Variants in ANKFN1 observed in about 807,000 individuals in gnomAD.
The protein encoded by ANKFN1 is ankyrin repeat and fibronectin type-III domain-containing protein 1.
In ANKFN1, 74 loss-of-function variants were observed where a neutral mutation model predicts 108.7. The ratio of observed to expected loss-of-function variants is 0.68; its 90% CI spans 0.56 to 0.83. The LOEUF is 0.83. Among genes scored for constraint, ANKFN1 ranks in the 40% least tolerant of loss-of-function variants. ANKFN1 has a pLI of 0.00. For synonymous variants in ANKFN1, 547 were observed against 516.2 expected (o/e 1.06, Z -0.81); for missense variants, 1,505 against 1,382.3 (o/e 1.09, Z -1.41).
At chr17:56,231,962 A>G (rs924003235) in intron 3 of ANKFN1, among the ~76,000 whole-genome samples, 1 of 152,078 alleles carries the variant, frequency 6.6e-6, no homozygotes, top group African/African-American at 2.4e-5. Flanking sequence ...ATGGTAGCCT[A>G]ATCCGTTTTT....
At chr17:56,069,996 A>G (rs2143134160) in intron 4 of ANKFN1, among the ~76,000 whole-genome samples, 1 of 152,314 alleles carries the variant, frequency 6.6e-6, no homozygotes, top group Non-Finnish European at 1.5e-5. Context: ...GGAGTATAGT[A>G]GTGAGGACAA....
intron 20 of ANKFN1, among the ~76,000 whole-genome samples, chr17:56,507,808 G>A (rs896930868): frequency 1.3e-5 from 2 of 152,136 alleles, no homozygotes; most frequent in Admixed American, 1.3e-4. Context: ...TGATCATTGG[G>A]TTCTTACCCA....
At chr17:56,302,220 C>T (rs980743330) in intron 3 of ANKFN1, among the ~76,000 whole-genome samples, 1 of 152,184 alleles carries the variant, frequency 6.6e-6, no homozygotes, top group Non-Finnish European at 1.5e-5. Context: ...AAACACAAGT[C>T]TGTTAACCTC....
chr17:56,228,714 C>T (rs569774922), intron 3 of ANKFN1, among the ~76,000 whole-genome samples: 3 of 152,030 alleles, frequency 2.0e-5, no homozygotes, highest in East Asian at 1.9e-4. Flanking sequence ...AGTATAAAGA[C>T]CCTAGCTGTT....
At chr17:56,385,615 A>C (rs1327965897) in intron 8 of ANKFN1, among the ~76,000 whole-genome samples, 1 of 152,222 alleles carries the variant, frequency 6.6e-6, no homozygotes. Flanking sequence ...AACTCAAACA[A>C]ATTTACAAGA....
intron 8 of ANKFN1, among the ~76,000 whole-genome samples, chr17:56,398,934 T>C (rs2047669424): frequency 6.6e-6 from 1 of 152,122 alleles, no homozygotes; most frequent in Admixed American, 6.6e-5. Flanking sequence ...ATAAAGGTCA[T>C]AAAGCCAAAA....
intron 4 of ANKFN1, among the ~76,000 whole-genome samples, chr17:56,349,872 A>G (rs1007019281): frequency 1.3e-5 from 2 of 152,152 alleles, no homozygotes; most frequent in Non-Finnish European, 2.9e-5. Flanking sequence ...TCTACCAGGG[A>G]GACACTTTGC....
rs370938013 is a variant in ANKFN1, at chr17:56,199,891, G to A, written c.-70-12707G>A. On this transcript the variant is annotated intron_variant, in intron 1 of 20. Transcript: ENST00000682825. ...CTTTGGTAAATCTGGCAACCCTAGT[G>A]CCAGTTCCAGTTCCTAAGCCAAGTT... Among the ~76,000 whole-genome samples the A allele has an allele frequency of 1.5e-4, 23 of 152,266 alleles. No homozygotes were observed. The East Asian group carries it at 2.5e-3, about 17-fold the overall frequency.
At chr17:56,152,913 AT>A (rs1908748652), upstream of ANKFN1, among the ~76,000 whole-genome samples, 1 of 152,236 alleles carries the variant, frequency 6.6e-6, no homozygotes, top group South Asian at 2.1e-4. Context: ...AGATTATATT[AT>A]CATCTCCCCT....
intron 8 of ANKFN1, among the ~76,000 whole-genome samples, chr17:56,405,118 C>T (rs1229803780): frequency 2.6e-5 from 4 of 152,318 alleles, no homozygotes; most frequent in East Asian, 3.9e-4. Context: ...GGTGGTTTAA[C>T]GCTCTATTTT....
At chr17:56,297,331 T>G (rs2044541905) in intron 3 of ANKFN1, among the ~76,000 whole-genome samples, 3 of 152,158 alleles carry the variant, frequency 2.0e-5, no homozygotes, top group Admixed American at 2.0e-4. Context: ...GTTTGGGAGC[T>G]GCTGGCGGTT....
intron 8 of ANKFN1, among the ~76,000 whole-genome samples, chr17:56,376,403 G>A (rs953243428): frequency 6.6e-6 from 1 of 152,062 alleles, no homozygotes; most frequent in Non-Finnish European, 1.5e-5. Flanking sequence ...ACCCAGGATG[G>A]CCCCCCACAG....
intron 3 of ANKFN1, among the ~76,000 whole-genome samples, chr17:56,291,358 G>T (rs1260596504): frequency 6.6e-6 from 1 of 152,210 alleles, no homozygotes; most frequent in East Asian, 1.9e-4. Context: ...TCTATGACTG[G>T]GAGATACCTG....
At chr17:56,199,875 A>G (rs1341421285) in intron 1 of ANKFN1, among the ~76,000 whole-genome samples, 3 of 152,148 alleles carry the variant, frequency 2.0e-5, no homozygotes, top group African/African-American at 4.8e-5. Flanking sequence ...TCTTTGGTAA[A>G]TCTGGCAACC....
At chr17:56,240,655 G>T (rs1446422118) in intron 3 of ANKFN1, among the ~76,000 whole-genome samples, 1 of 152,092 alleles carries the variant, frequency 6.6e-6, no homozygotes, top group African/African-American at 2.4e-5. Flanking sequence ...AGCAGGTCAT[G>T]TAAGTTTCGG....
intron 1 of ANKFN1, among the ~76,000 whole-genome samples, chr17:56,175,867 C>T (rs915376434): frequency 1.2e-4 from 18 of 147,274 alleles, no homozygotes; most frequent in African/African-American, 4.5e-4. Flanking sequence ...CCACAGTTTA[C>T]ACTCCACACT....
chr17:56,307,586 T>C (rs1399976071), intron 3 of ANKFN1, among the ~76,000 whole-genome samples: 1 of 152,196 alleles, frequency 6.6e-6, no homozygotes, highest in Non-Finnish European at 1.5e-5. Flanking sequence ...CAACAGGTGC[T>C]GGAGAGGATG....
intron 4 of ANKFN1, among the ~76,000 whole-genome samples, chr17:56,144,627 T>C (rs939108430): frequency 2.0e-5 from 3 of 152,194 alleles, no homozygotes; most frequent in African/African-American, 4.8e-5. Context: ...TGGGTTTTTT[T>C]CCTCAGGAGG....
At chr17:56,256,266 T>C (rs894151131) in intron 3 of ANKFN1, among the ~76,000 whole-genome samples, 2 of 152,244 alleles carry the variant, frequency 1.3e-5, no homozygotes, top group African/African-American at 4.8e-5. Flanking sequence ...TTTAATCCCT[T>C]GTTTGTGAGC....
Sources: gnomAD v4.1 joint callset for allele counts (sites outside exome capture counted in the v4.1 genomes callset) on GRCh38, gnomAD v4.1.1 for gene constraint, MANE v1.5 for transcripts, NCBI Gene and HGNC (gene_info 2026-07-23, HGNC 2026-07-21) for gene names.